The following EFHC1 variants were observed in gnomAD, a reference collection of about 807,000 sequenced individuals.
EFHC1 encodes EF-hand domain-containing protein 1.
In EFHC1, 53 loss-of-function variants were observed where a neutral mutation model predicts 69.9. The ratio of observed to expected loss-of-function variants is 0.76; its 90% CI spans 0.61 to 0.95. The LOEUF is 0.95. Among genes scored for constraint, EFHC1 ranks in the 40% least tolerant of loss-of-function variants. EFHC1 has a pLI of 0.00. For synonymous variants in EFHC1, 256 were observed against 278.4 expected, an observed-to-expected ratio of 0.92 and a Z score of 0.80; for missense variants, 739 against 798.7, an observed-to-expected ratio of 0.93 and a Z score of 0.90.
At chr6:52,422,492 C>A (rs1764213920) in intron 1 of EFHC1, among the ~76,000 whole-genome samples, 1 of 152,042 alleles carries the variant, frequency 6.6e-6, no homozygotes, top group African/African-American at 2.4e-5. Flanking sequence ...GTTTATAACC[C>A]TTTTAGCAAA....
chr6:52,465,181 A>G (rs1765275997), intron 6 of EFHC1, 66 bp downstream of exon 6: 1 of 1,349,674 alleles, frequency 7.4e-7, no homozygotes, highest in Non-Finnish European at 1.0e-6. Context: ...TTTAAGAAAA[A>G]AAGACTTCTA....
At chr6:52,463,661 A>G (rs979759966) in intron 5 of EFHC1, among the ~76,000 whole-genome samples, 1 of 152,256 alleles carries the variant, frequency 6.6e-6, no homozygotes, top group African/African-American at 2.4e-5. Context: ...CCAGCATTAT[A>G]TGAAAAAATA....
At chr6:52,466,542 T>A (rs1765310663) in intron 6 of EFHC1, among the ~76,000 whole-genome samples, 1 of 152,240 alleles carries the variant, frequency 6.6e-6, no homozygotes, top group Non-Finnish European at 1.5e-5. Flanking sequence ...CTACTAGCAC[T>A]TCTCTATTAT....
At position 52,493,342 on chromosome 6, in the gene EFHC1, A is replaced by C. The variant is rs1459300739; in HGVS notation, c.*1001A>C. ...CATAATTGTGTGAGCAATTTCTTAT[A>C]ACTCTCTCTTTCTCTCTCTCTACAT... On this transcript the variant is annotated 3_prime_UTR_variant, in exon 11 of 11. Coordinates refer to ENST00000371068, the MANE Select transcript of EFHC1 (RefSeq NM_018100.4). 7.8e-6 allele frequency: 3 copies of C among 383,684 alleles called. No individual in the cohort carries two copies. The East Asian group carries it at 2.3e-4, about 30-fold the overall frequency. 23.8% of individuals were successfully genotyped at this position (383,684 alleles called of 1,614,324 possible).
chr6:52,485,002 T>TTGAA (rs1398638680), intron 9 of EFHC1, among the ~76,000 whole-genome samples: 3 of 152,102 alleles, frequency 2.0e-5, no homozygotes, highest in African/African-American at 7.2e-5. Context: ...ATATCATTAA[T>TTGAA]TGAAAATGCA....
chr6:52,467,772 A>T (rs1765343210), intron 6 of EFHC1, among the ~76,000 whole-genome samples: 1 of 152,236 alleles, frequency 6.6e-6, no homozygotes, highest in African/African-American at 2.4e-5. Context: ...TTTCTCTATA[A>T]TAAATAGCTC....
At chr6:52,481,256 G>C (rs1277379702) in intron 9 of EFHC1, among the ~76,000 whole-genome samples, 1 of 152,172 alleles carries the variant, frequency 6.6e-6, no homozygotes, top group African/African-American at 2.4e-5. Context: ...TGAGGAACAG[G>C]AAGGAAGAAA....
chr6:52,469,358 G>A lies in EFHC1; in HGVS notation c.1163G>A (p.Gly388Glu). Residue 388 changes from glycine to glutamate, a missense_variant, in exon 7 of 11, where the codon GGA becomes GAA. Transcript: ENST00000371068. Reference sequence around the variant, plus strand: ...GAGTTGCCTCCTTATAACGGTTTTGGACTAGTGGAAGATTCTGCTCAGAAT... The same window carrying A: ...GAGTTGCCTCCTTATAACGGTTTTGAACTAGTGGAAGATTCTGCTCAGAAT... ...KQELPPYNGF[G>E]LVEDSAQNCF... The A allele has an allele frequency of 1.9e-6, 3 of 1,613,880 alleles. No homozygotes were observed. The highest frequency in any genetic ancestry group is 2.5e-6 in the Non-Finnish European group (3 of 1,179,924).
chr6:52,446,998 T>C (rs999230533), intron 3 of EFHC1, among the ~76,000 whole-genome samples: 16 of 152,352 alleles, frequency 1.1e-4, no homozygotes, highest in Admixed American at 9.8e-4. Flanking sequence ...TTAACATTTT[T>C]TTCCTTCATT....
rs896670807 is a variant in EFHC1, at chr6:52,497,175, T to G, written c.*4834T>G. 2.0e-5 allele frequency: 3 copies of G among 152,214 alleles called. No homozygotes were observed. Among genetic ancestry groups the G allele is most frequent in the African/African-American group, 7.2e-5 (3 of 41,450 alleles). The allele number at this position is 152,214 out of a possible 1,614,324, so 9.4% of individuals were successfully genotyped here. On this transcript the variant is annotated 3_prime_UTR_variant, in exon 11 of 11. Coordinates refer to ENST00000371068, the MANE Select transcript of EFHC1 (RefSeq NM_018100.4). ...CTATTAAAGAGTCAAATAAAAATGA[T>G]GCTTATTGCTATCCAGCACTTGACA... is the stretch of plus-strand genomic sequence containing the variant.
Position 52,494,521 on chromosome 6 carries a change from T to C in EFHC1, c.*2180T>C, listed in dbSNP as rs1052077808. On this transcript the variant is annotated 3_prime_UTR_variant, in exon 11 of 11. Coordinates refer to ENST00000371068, the MANE Select transcript of EFHC1 (RefSeq NM_018100.4). ...CTTATTTCTGTGGCTAGTAATGTCGTAATGTGGGGCCAGGTCTGAGTGACA... is the reference window on the plus strand; with the variant it reads ...CTTATTTCTGTGGCTAGTAATGTCGCAATGTGGGGCCAGGTCTGAGTGACA... The C allele has an allele frequency of 2.2e-6, 1 of 454,154 alleles. No individual in the cohort carries two copies. Among genetic ancestry groups the C allele is most frequent in the Admixed American group, 2.3e-5 (1 of 42,572 alleles). The allele number at this position is 454,154 out of a possible 1,614,324, so 28.1% of individuals were successfully genotyped here.
intron 5 of EFHC1, among the ~76,000 whole-genome samples, chr6:52,463,686 CAA>C (rs1765227200): frequency 6.6e-6 from 1 of 152,148 alleles, no homozygotes; most frequent in South Asian, 2.1e-4. Flanking sequence ...GTTGAGCAAA[CAA>C]AGGCAGATGG....
rs567955532 is a variant in EFHC1, at chr6:52,459,655, TTTTTG to T, written c.917-5231_917-5227del. Among the ~76,000 whole-genome samples, 37 of 151,922 alleles carry T rather than the reference TTTTTG, an allele frequency of 2.4e-4. 2 individuals are homozygous for T. The South Asian group carries it at 7.7e-3, about 32-fold the overall frequency. Reference sequence around the variant, plus strand: ...ACGTTGAAAAATAGCGTGACAGGTTTTTTTGTTTTGTTTGTTTGTTTGTTTGTTTG... The same window carrying T: ...ACGTTGAAAAATAGCGTGACAGGTTTTTTTGTTTGTTTGTTTGTTTGTTTG... On this transcript the variant is annotated intron_variant, in intron 5 of 10. Transcript: ENST00000371068.
chr6:52,452,173 G>T (rs189484228), intron 3 of EFHC1, among the ~76,000 whole-genome samples: 1 of 152,228 alleles, frequency 6.6e-6, no homozygotes, highest in African/African-American at 2.4e-5. Context: ...AATACTTCAG[G>T]TAACTCTCAA....
intron 9 of EFHC1, chr6:52,483,132 T>G: frequency 3.0e-6 from 1 of 333,846 alleles, no homozygotes. Flanking sequence ...TTTAATTACA[T>G]TGTGGTTAGT....
At chr6:52,481,244 C>T (rs181024628) in intron 9 of EFHC1, among the ~76,000 whole-genome samples, 131 of 152,122 alleles carry the variant, frequency 8.6e-4, no homozygotes, top group Non-Finnish European at 3.1e-4. Flanking sequence ...AGATGTTTGG[C>T]CTGAGGAACA....
At chr6:52,450,794 G>T (rs1205712825) in intron 3 of EFHC1, among the ~76,000 whole-genome samples, 1 of 149,782 alleles carries the variant, frequency 6.7e-6, no homozygotes, top group Non-Finnish European at 1.5e-5. Context: ...TTGTTTGTTT[G>T]TTTGTTTTGT....
rs199749669 is a variant in EFHC1, at chr6:52,477,891, G to A, written c.1279-1146G>A. Reference sequence around the variant, plus strand: ...GGTGATTCCTCAGGGATCTAGAACTGGAAATACCATTTGACCCAGCCATCC... The same window carrying A: ...GGTGATTCCTCAGGGATCTAGAACTAGAAATACCATTTGACCCAGCCATCC... On this transcript the variant is annotated intron_variant, in intron 7 of 10. Coordinates refer to ENST00000371068, the MANE Select transcript of EFHC1 (RefSeq NM_018100.4). 5.5e-3 allele frequency among the ~76,000 whole-genome samples: 841 copies of A among 152,118 alleles called. 8 individuals carry two copies. The highest frequency in any genetic ancestry group is 0.019 in the African/African-American group (788 of 41,446).
At position 52,495,849 on chromosome 6, in the gene EFHC1, T is replaced by A. The variant is rs1190005804; in HGVS notation, c.*3508T>A. The A allele has an allele frequency of 2.9e-6, 1 of 344,064 alleles. No individual in the cohort carries two copies. The highest frequency in any genetic ancestry group is 2.1e-5 in the African/African-American group (1 of 46,598). The allele number at this position is 344,064 out of a possible 1,614,324, so 21.3% of individuals were successfully genotyped here. On this transcript the variant is annotated 3_prime_UTR_variant, in exon 11 of 11. Transcript: ENST00000371068. ...TTTACTTAAGACTGAGAAGCTGAGA[T>A]CTGACAGCACCAACACAAGGTATAA...
Sources: allele counts gnomAD v4.1 joint callset (sites outside exome capture counted in the v4.1 genomes callset), GRCh38; gene constraint gnomAD v4.1.1; transcripts MANE v1.5; gene names NCBI Gene and HGNC (gene_info 2026-07-23, HGNC 2026-07-21).